The following CCDC197 variants were observed in gnomAD, a reference collection of about 807,000 sequenced individuals.
CCDC197 encodes the protein uncharacterized protein CCDC197.
CCDC197 carries 24 observed loss-of-function variants against 13.4 expected under a neutral mutation model. The observed-to-expected ratio is 1.80, with a 90% CI of 1.30 to 2.53. The LOEUF is 2.53. Ranked by LOEUF, CCDC197 falls within the 30% of genes most tolerant of loss-of-function variation. The pLI is 0.00. For synonymous variants in CCDC197, 99 were observed against 55.5 expected (o/e 1.78, Z -3.48); for missense variants, 255 against 148.8 (o/e 1.71, Z -3.71).
chr14:93,994,761 G>A (rs974061631), upstream of CCDC197, among the ~76,000 whole-genome samples: 4 of 152,318 alleles, frequency 2.6e-5, no homozygotes, highest in Non-Finnish European at 4.4e-5. Flanking sequence ...GGGAAGGGAC[G>A]AGGGTCTGGC....
At chr14:94,001,563 G>T (rs1397255748) in intron 4 of CCDC197, 6 of 400,296 alleles carry the variant, frequency 1.5e-5, no homozygotes, top group African/African-American at 1.2e-4. Context: ...ATGTGTCCTG[G>T]ATGCAGAGGG....
rs12884341 is a variant in CCDC197 at position 94,003,710 on chromosome 14, C to T, written c.498+356C>T. Among the ~76,000 whole-genome samples, 1 of 152,076 alleles carries T rather than the reference C, an allele frequency of 6.6e-6. No individual in the cohort carries two copies. The highest frequency in any genetic ancestry group is 1.9e-4 in the East Asian group (1 of 5,184). On this transcript the variant is annotated intron_variant, in intron 5 of 6. Coordinates refer to ENST00000636493, the MANE Select transcript of CCDC197 (RefSeq NM_001351596.2). The surrounding 1 kb of genome is among the most constrained non-coding windows in gnomAD (Gnocchi z 5.0). ...GCAGAGACATACATAGAGACAGACA[C>T]ACACACAGACAGACCCACACCACTT...
upstream of CCDC197, among the ~76,000 whole-genome samples, chr14:93,993,857 G>T (rs1196000837): frequency 6.6e-6 from 1 of 152,214 alleles, no homozygotes; most frequent in East Asian, 1.9e-4. Flanking sequence ...AAGGCCCAGG[G>T]GGTAGAGGCT....
At chr14:94,005,328 C>A (rs1366012928) in intron 6 of CCDC197, among the ~76,000 whole-genome samples, 2 of 152,232 alleles carry the variant, frequency 1.3e-5, no homozygotes, top group Non-Finnish European at 2.9e-5. Flanking sequence ...TACACAGACA[C>A]ACCTGCAAAT....
At chr14:93,997,763 G>A (rs540835606) in intron 1 of CCDC197, among the ~76,000 whole-genome samples, 192 bp downstream of exon 1, 1 of 152,140 alleles carries the variant, frequency 6.6e-6, no homozygotes, top group Non-Finnish European at 1.5e-5. Context: ...AAAGTTCCCA[G>A]GCATCTTGGT....
downstream of CCDC197, among the ~76,000 whole-genome samples, chr14:94,010,737 C>T (rs1210907933): frequency 6.6e-6 from 1 of 152,180 alleles, no homozygotes; most frequent in African/African-American, 2.4e-5. Flanking sequence ...CCACGTGGGG[C>T]CCCAAACACC....
chr14:94,010,269 T>A (rs959721285), downstream of CCDC197, among the ~76,000 whole-genome samples: 9 of 152,192 alleles, frequency 5.9e-5, no homozygotes, highest in Admixed American at 5.2e-4. Flanking sequence ...AGTGGCACAA[T>A]CTCTGCTCAC....
chr14:93,988,209 G>A (rs1890135400), intron 1 of CCDC197, among the ~76,000 whole-genome samples: 1 of 122,120 alleles, frequency 8.2e-6, no homozygotes, highest in African/African-American at 3.3e-5. Context: ...GGAGGGTATG[G>A]GAGAGGGGAT....
chr14:93,996,556 A>C (rs1890315858), upstream of CCDC197, among the ~76,000 whole-genome samples: 5 of 136,360 alleles, frequency 3.7e-5, no homozygotes, highest in African/African-American at 5.5e-5. Flanking sequence ...CCTGGCCCCC[A>C]CTCTGGCTCA....
downstream of CCDC197, among the ~76,000 whole-genome samples, chr14:94,010,003 G>A (rs193097457): frequency 1.4e-3 from 209 of 152,010 alleles, no homozygotes; most frequent in Admixed American, 2.2e-3. Context: ...TTTCAAAGGG[G>A]AGTTTTAGAA....
At chr14:93,999,999 T>C (rs1399556137) in intron 3 of CCDC197, among the ~76,000 whole-genome samples, 6 of 152,356 alleles carry the variant, frequency 3.9e-5, no homozygotes, top group Non-Finnish European at 7.3e-5. Flanking sequence ...ATTTAGCTAG[T>C]ACCTGGTAAA....
At chr14:94,007,781 C>T (rs1358775860) in intron 6 of CCDC197, among the ~76,000 whole-genome samples, 1 of 152,178 alleles carries the variant, frequency 6.6e-6, no homozygotes, top group African/African-American at 2.4e-5. Flanking sequence ...AGGCAGGTTC[C>T]GTGCAGATAT....
intron 1 of CCDC197, among the ~76,000 whole-genome samples, chr14:93,989,013 G>A (rs1490505327): frequency 1.3e-5 from 2 of 151,964 alleles, no homozygotes; most frequent in African/African-American, 4.8e-5. Context: ...CTGTGTGCCT[G>A]CAGATCCATG....
In CCDC197 at chr14:94,003,192, G is replaced by A. The variant is rs1320222834; in HGVS notation, c.367-31G>A. 5.2e-6 allele frequency: 4 copies of A among 774,940 alleles called. No homozygotes were observed. In the East Asian group the frequency reaches 9.7e-5, roughly 19 times the overall value. 48.0% of individuals were successfully genotyped at this position (774,940 alleles called of 1,614,324 possible). A position where few individuals can be genotyped will look rare whatever the true frequency, so the allele number is the denominator to read the frequency against. On this transcript the variant is annotated intron_variant, in intron 4 of 6. Transcript: ENST00000636493. This position sits in a 1 kb window ranked among gnomAD's most constrained non-coding sequence, Gnocchi z 5.0. ...GGGCATATGCCCTGGAGGGTTTGTTGTACCAAGATGGCCCATTCCCTCTGC... is the reference window on the plus strand; with the variant it reads ...GGGCATATGCCCTGGAGGGTTTGTTATACCAAGATGGCCCATTCCCTCTGC...
rs117934261 is a variant in CCDC197, at chr14:94,002,123, T to C, written c.366+800T>C. Among the ~76,000 whole-genome samples, 5 of 152,312 alleles carry C rather than the reference T, an allele frequency of 3.3e-5. No individual in the cohort carries two copies. In the East Asian group the frequency reaches 9.6e-4, roughly 29 times the overall value. ...GTGCTACTATTCCAAGGGCTGGGAC[T>C]AGGGAAAGGCAAGTCCAGCCATGCT... is the stretch of plus-strand genomic sequence containing the variant. On this transcript the variant is annotated intron_variant, in intron 4 of 6. Transcript: ENST00000636493.
chr14:93,991,906 G>A (rs2141340364), intron 1 of CCDC197, among the ~76,000 whole-genome samples: 1 of 152,342 alleles, frequency 6.6e-6, no homozygotes, highest in East Asian at 1.9e-4. Flanking sequence ...AGGAGCCAGG[G>A]CATCTGGAGC....
chr14:93,992,851 T>G (rs1427359742), upstream of CCDC197, among the ~76,000 whole-genome samples: 1 of 152,096 alleles, frequency 6.6e-6, no homozygotes, highest in Non-Finnish European at 1.5e-5. Flanking sequence ...CACAGGGAAG[T>G]GGGTGCTGGG....
upstream of CCDC197, among the ~76,000 whole-genome samples, chr14:93,992,621 G>A (rs2141340847): frequency 6.6e-6 from 1 of 152,300 alleles, no homozygotes; most frequent in Admixed American, 6.5e-5. Flanking sequence ...AGGGAGGTGA[G>A]GGGTGGCAGG....
chr14:93,988,728 G>T (rs1474156059), intron 1 of CCDC197, among the ~76,000 whole-genome samples: 1 of 103,962 alleles, frequency 9.6e-6, no homozygotes, highest in Admixed American at 9.2e-5. Context: ...AGAGGGGATA[G>T]GAGAGGGGTT....
Sources: gnomAD v4.1 joint callset for allele counts (sites outside exome capture counted in the v4.1 genomes callset) on GRCh38, gnomAD v4.1.1 for gene constraint, Gnocchi (gnomAD v3.1) non-coding constraint, MANE v1.5 for transcripts, NCBI Gene and HGNC (gene_info 2026-07-23, HGNC 2026-07-21) for gene names.